The following ELP4 variants were observed in gnomAD, a reference collection of about 807,000 sequenced individuals.
ELP4 encodes the protein elongator complex protein 4.
ELP4 carries 51 observed loss-of-function variants against 48.9 expected under a neutral mutation model. The ratio of observed to expected loss-of-function variants is 1.04; its 90% confidence interval spans 0.83 to 1.32. The LOEUF is 1.32. ELP4 is among the 40% of genes most tolerant of loss of function. The pLI is 0.00. For synonymous variants in ELP4, 210 were observed against 189.2 expected, an observed-to-expected ratio of 1.11 and a Z score of -0.90; for missense variants, 519 against 514.6, an observed-to-expected ratio of 1.01 and a Z score of -0.08.
chr11:31,733,654 A>G (rs1947244001), intron 9 of ELP4, among the ~76,000 whole-genome samples: 1 of 152,274 alleles, frequency 6.6e-6, no homozygotes, highest in Admixed American at 6.5e-5. Flanking sequence ...AAGACTATGA[A>G]TGGTAAATAA....
chr11:31,552,611 C>T (rs1956870803), intron 3 of ELP4, among the ~76,000 whole-genome samples: 1 of 152,116 alleles, frequency 6.6e-6, no homozygotes, highest in South Asian at 2.1e-4. Context: ...TACTCTCCTT[C>T]AATATCTCAG....
intron 9 of ELP4, chr11:31,652,212 GTTT>G (rs1202827825): frequency 6.6e-6 from 1 of 151,402 alleles, no homozygotes; most frequent in Non-Finnish European, 1.5e-5. Context: ...AATCACTTAA[GTTT>G]TTTGAGTTTT....
chr11:31,753,819 A>G (rs1565141672), intron 9 of ELP4, among the ~76,000 whole-genome samples: 3 of 152,196 alleles, frequency 2.0e-5, no homozygotes, highest in Admixed American at 6.5e-5. Context: ...TTATTTATGT[A>G]TATACATATA....
chr11:31,700,047 A>G (rs1281862413), intron 9 of ELP4, among the ~76,000 whole-genome samples: 1 of 152,050 alleles, frequency 6.6e-6, no homozygotes, highest in African/African-American at 2.4e-5. Context: ...GTGTTGTATA[A>G]ATGTTGATTT....
chr11:31,627,074 C>A, intron 5 of ELP4, 36 bp from the exon 6 acceptor site: 1 of 1,175,528 alleles, frequency 8.5e-7, no homozygotes, highest in Non-Finnish European at 1.3e-6. Flanking sequence ...ATGTAATAAC[C>A]CATTTATGTA....
chr11:31,580,181 T>G (rs1343092304), intron 3 of ELP4, among the ~76,000 whole-genome samples: 3 of 152,206 alleles, frequency 2.0e-5, no homozygotes, highest in Admixed American at 6.5e-5. Flanking sequence ...AATACAGATA[T>G]TCCAAATGAA....
intron 2 of ELP4, among the ~76,000 whole-genome samples, 165 bp downstream of exon 2, chr11:31,520,256 A>G (rs868018085): frequency 6.6e-6 from 1 of 152,202 alleles, no homozygotes; most frequent in South Asian, 2.1e-4. Flanking sequence ...TCTAATGTTG[A>G]GCTGAACTTG....
At chr11:31,712,124 G>A (rs1460034609) in intron 9 of ELP4, among the ~76,000 whole-genome samples, 2 of 151,778 alleles carry the variant, frequency 1.3e-5, no homozygotes, top group Non-Finnish European at 2.9e-5. Context: ...GAACAACCTA[G>A]AATATAACAT....
At position 31,539,787 on chromosome 11, in the gene ELP4, T is replaced by C; in HGVS notation, c.381+4T>C. 6.3e-7 allele frequency: 1 copy of C among 1,595,688 alleles called. No homozygotes were observed. Among genetic ancestry groups the C allele is most frequent in the Non-Finnish European group, 8.5e-7 (1 of 1,173,274 alleles). On this transcript the variant is annotated splice_donor_region_variant and intron_variant, in intron 3 of 9. Transcript: ENST00000640961. ...GGATCCTGCCAACATTTTACAGGTATAGAATATATGAACTTAATATTGCAT... is the reference window on the plus strand; with the variant it reads ...GGATCCTGCCAACATTTTACAGGTACAGAATATATGAACTTAATATTGCAT...
In ELP4 at chr11:31,742,191, A is replaced by G. The variant is rs140289222; in HGVS notation, c.1144-41202A>G. Among the ~76,000 whole-genome samples the G allele has an allele frequency of 2.0e-5, 3 of 152,340 alleles. No homozygotes were observed. The East Asian group carries it at 5.8e-4, about 29-fold the overall frequency. On this transcript the variant is annotated intron_variant, in intron 9 of 9. Coordinates refer to ENST00000640961, the MANE Select transcript of ELP4 (RefSeq NM_019040.5). Reference sequence around the variant, plus strand: ...TGAAATGAAGCGAGAAGAAAAGTTTAGAGAAAAAAGAATGAAAAGAAACGA... The same window carrying G: ...TGAAATGAAGCGAGAAGAAAAGTTTGGAGAAAAAAGAATGAAAAGAAACGA...
intron 7 of ELP4, among the ~76,000 whole-genome samples, chr11:31,637,941 TTATGCA>T (rs978640545): frequency 1.6e-4 from 25 of 152,046 alleles, no homozygotes; most frequent in African/African-American, 6.0e-4. Flanking sequence ...TTCCCCTTGT[TTATGCA>T]TTTTTTAGTA....
At chr11:31,547,028 A>G (rs572071550) in intron 3 of ELP4, among the ~76,000 whole-genome samples, 1 of 152,188 alleles carries the variant, frequency 6.6e-6, no homozygotes, top group African/African-American at 2.4e-5. Flanking sequence ...CCACAAGAGA[A>G]AGCAGGAAAG....
At chr11:31,778,123 G>T (rs1358205306) in intron 9 of ELP4, among the ~76,000 whole-genome samples, 1 of 152,134 alleles carries the variant, frequency 6.6e-6, no homozygotes, top group Admixed American at 6.5e-5. Context: ...TAGTTATTTT[G>T]CCAGCAGTGA....
chr11:31,565,073 C>G (rs566176996), intron 3 of ELP4, among the ~76,000 whole-genome samples: 16 of 152,326 alleles, frequency 1.1e-4, no homozygotes, highest in African/African-American at 3.8e-4. Context: ...ACCATTCTAA[C>G]TGGTGTGAGA....
At chr11:31,691,088 A>G (rs560281398) in intron 9 of ELP4, among the ~76,000 whole-genome samples, 2 of 152,152 alleles carry the variant, frequency 1.3e-5, no homozygotes, top group Admixed American at 1.3e-4. Context: ...CTTTTTCAGA[A>G]TACCTATTTT....
chr11:31,638,676 A>G (rs1945028940), intron 7 of ELP4, among the ~76,000 whole-genome samples: 1 of 151,876 alleles, frequency 6.6e-6, no homozygotes, highest in African/African-American at 2.4e-5. Context: ...AGAGCTTTGA[A>G]CCTACTGAAG....
intron 3 of ELP4, among the ~76,000 whole-genome samples, chr11:31,585,914 G>T (rs931888329): frequency 2.0e-5 from 3 of 151,996 alleles, no homozygotes; most frequent in African/African-American, 7.2e-5. Context: ...GCAACACCCT[G>T]TCTCTACAAA....
At chr11:31,744,308 G>C (rs1380040093) in intron 9 of ELP4, among the ~76,000 whole-genome samples, 1 of 152,166 alleles carries the variant, frequency 6.6e-6, no homozygotes, top group Admixed American at 6.5e-5. Flanking sequence ...AATTCTACCA[G>C]AGGTACAAGG....
chr11:31,623,644 T>G (rs1399519195), intron 5 of ELP4, among the ~76,000 whole-genome samples: 1 of 150,776 alleles, frequency 6.6e-6, no homozygotes, highest in Non-Finnish European at 1.5e-5. Context: ...TGTTGATGAT[T>G]GACTTGTTTT....
Sources: allele counts gnomAD v4.1 joint callset (sites outside exome capture counted in the v4.1 genomes callset), GRCh38; gene constraint gnomAD v4.1.1; transcripts MANE v1.5; gene names NCBI Gene and HGNC (gene_info 2026-07-23, HGNC 2026-07-21).